TTLL8: variants seen among roughly 807,000 people sequenced by gnomAD.
TTLL8 encodes the protein protein monoglycylase TTLL8.
Under a neutral mutation model 77.8 loss-of-function variants are expected in TTLL8, and 65 were observed. The observed-to-expected ratio is 0.84, with a 90% CI of 0.68 to 1.03. TTLL8 has a LOEUF of 1.03. Ranked by LOEUF, TTLL8 falls within the 50% of genes least tolerant of loss-of-function variation. The pLI, the probability that TTLL8 is intolerant of heterozygous loss-of-function variation, is 0.00. For missense variants in TTLL8, 910 were observed against 1,004.5 expected (o/e 0.91, Z 1.27); for synonymous variants, 402 against 422.8 (o/e 0.95, Z 0.60).
intron 5 of TTLL8, 44 bp downstream of exon 7, chr22:50,045,812 T>A: frequency 7.7e-7 from 1 of 1,298,686 alleles, no homozygotes; most frequent in Non-Finnish European, 1.0e-6. Flanking sequence ...TCTAGAAGCC[T>A]CTCTGCTGAC....
In TTLL8 at chr22:50,049,241, G is replaced by A. The variant is rs1569233534; in HGVS notation, c.264+8C>T. On this transcript the variant is annotated splice_region_variant and intron_variant, in intron 3 of 13. Transcript: ENST00000266182. ...CGCAGCTGACCATGACGCATGCAGG[G>A]GACGTACCATCACGTCGTGGATGTT... 2 of 1,367,492 alleles carry A rather than the reference G, an allele frequency of 1.5e-6. No homozygotes were observed. Among genetic ancestry groups the A allele is most frequent in the Admixed American group, 3.8e-5 (2 of 52,568 alleles). 84.7% of individuals were successfully genotyped at this position (1,367,492 alleles called of 1,614,324 possible).
upstream of TTLL8, among the ~76,000 whole-genome samples, chr22:50,057,153 G>GGTCAGGTCTGGGGATGGAA (rs2061475393): frequency 1.0e-5 from 1 of 97,810 alleles, no homozygotes; most frequent in African/African-American, 5.5e-5. Context: ...TCTGAGTTGG[G>GGTCAGGTCTGGGGATGGAA]GTCAGGTCTG....
At chr22:50,019,101 T>G (rs181035123) in intron 12 of TTLL8, among the ~76,000 whole-genome samples, 10 of 152,350 alleles carry the variant, frequency 6.6e-5, no homozygotes, top group Admixed American at 5.2e-4. Context: ...AAAGTCGATA[T>G]ATTGCCAGGT....
At chr22:50,051,354 A>G (rs2061442843) in intron 1 of TTLL8, among the ~76,000 whole-genome samples, 1 of 152,352 alleles carries the variant, frequency 6.6e-6, no homozygotes, top group Non-Finnish European at 1.5e-5. Flanking sequence ...GGTTGCTGCA[A>G]AAGACATTAT....
chr22:50,026,849 T>C lies in TTLL8; in HGVS notation c.2203+3581A>G, dbSNP rs188992722. ...CATCTAATGAATGACATGCCAGACT[T>C]GCCAGACCTTCTATCCTGAAAACCA... On this transcript the variant is annotated intron_variant, in intron 12 of 13. Transcript: ENST00000266182. Among the ~76,000 whole-genome samples the C allele has an allele frequency of 3.9e-5, 6 of 152,304 alleles. No individual in the cohort carries two copies. The East Asian group carries it at 1.2e-3, about 29-fold the overall frequency.
chr22:50,020,095 C>A (rs2061185880), intron 12 of TTLL8, among the ~76,000 whole-genome samples: 1 of 152,190 alleles, frequency 6.6e-6, no homozygotes, highest in African/African-American at 2.4e-5. Context: ...GTCAACAACA[C>A]AATAAACAAA....
chr22:50,042,595 G>T (rs1223151997), intron 6 of TTLL8, among the ~76,000 whole-genome samples: 1 of 152,196 alleles, frequency 6.6e-6, no homozygotes, highest in Non-Finnish European at 1.5e-5. Context: ...TAGCAATTCT[G>T]TATCTACAAG....
chr22:50,031,812 G>T, exon 11 of TTLL8: 1 of 1,367,078 alleles, frequency 7.3e-7, no homozygotes, highest in Non-Finnish European at 9.8e-7. Flanking sequence ...TGGTGGGGCT[G>T]GAATTGATCT....
chr22:50,052,931 G>C (rs2061451501), intron 1 of TTLL8, among the ~76,000 whole-genome samples: 1 of 152,158 alleles, frequency 6.6e-6, no homozygotes, highest in African/African-American at 2.4e-5. Flanking sequence ...GCTATAAACA[G>C]CTCACTCTGG....
chr22:50,034,342 C>T lies in TTLL8; in HGVS notation c.1039+3G>A. ...ATGAACGCGGTGCAGGGAGCATCCG[C>T]ACCAGGGGACTCACCTCGGCCCCGG... On this transcript the variant is annotated splice_donor_region_variant and intron_variant, in intron 9 of 13. Transcript: ENST00000266182. The surrounding 1 kb of genome is among the most constrained non-coding windows in gnomAD (Gnocchi z 4.1). The T allele has an allele frequency of 7.3e-7, 1 of 1,364,620 alleles. No individual in the cohort carries two copies. The highest frequency in any genetic ancestry group is 1.1e-5 in the South Asian group (1 of 87,922). 84.5% of individuals were successfully genotyped at this position (1,364,620 alleles called of 1,614,324 possible).
intron 10 of TTLL8, among the ~76,000 whole-genome samples, 198 bp from the exon 12 acceptor site, chr22:50,032,307 A>G (rs965219218): frequency 6.6e-6 from 1 of 152,202 alleles, no homozygotes; most frequent in Non-Finnish European, 1.5e-5. Context: ...CAGAGAGGCC[A>G]TGGGATTGGC....
chr22:50,050,023 G>C (rs1440647048), intron 2 of TTLL8, 86 bp downstream of exon 4: 1 of 1,293,232 alleles, frequency 7.7e-7, no homozygotes, highest in Non-Finnish European at 1.0e-6. Context: ...CGAGGGGCAG[G>C]CACCACACTC....
exon 10 of TTLL8, chr22:50,033,439 A>G (rs762317507): frequency 1.9e-5 from 26 of 1,362,100 alleles, no homozygotes; most frequent in Non-Finnish European, 2.5e-5. Context: ...GTCCATGCAC[A>G]CTATGTCTGC....
At chr22:50,028,674 ACACAC>A (rs2061251142) in intron 12 of TTLL8, among the ~76,000 whole-genome samples, 1 of 58,280 alleles carries the variant, frequency 1.7e-5, no homozygotes, top group Non-Finnish European at 3.9e-5. Context: ...AGACCCCCAC[ACACAC>A]TCGTAAAGAC....
chr22:50,030,584 G>A, exon 12 of TTLL8: 1 of 1,302,266 alleles, frequency 7.7e-7, no homozygotes, highest in Admixed American at 2.3e-5. Flanking sequence ...TGTCCACGTG[G>A]CGACAGGGGC....
chr22:50,036,885 G>A (rs957726130), intron 8 of TTLL8, among the ~76,000 whole-genome samples: 14 of 151,948 alleles, frequency 9.2e-5, no homozygotes, highest in East Asian at 3.9e-4. Context: ...GGTGTGAGCC[G>A]CCGCGCCCAG....
intron 2 of TTLL8, 64 bp downstream of exon 4, chr22:50,050,045 G>A (rs1048157987): frequency 3.1e-5 from 41 of 1,334,046 alleles, no homozygotes; most frequent in African/African-American, 1.2e-4. Flanking sequence ...GGCCGGCGCC[G>A]ACTCCTCCTG....
intron 6 of TTLL8, among the ~76,000 whole-genome samples, chr22:50,042,794 A>G (rs1188056028): frequency 6.6e-6 from 1 of 152,136 alleles, no homozygotes; most frequent in Non-Finnish European, 1.5e-5. Context: ...ATGAGACACT[A>G]ATAAAGACCC....
upstream of TTLL8, among the ~76,000 whole-genome samples, chr22:50,057,422 G>A (rs970604327): frequency 1.0e-5 from 1 of 95,716 alleles, no homozygotes; most frequent in Non-Finnish European, 2.1e-5. Context: ...GGAGGTCTGG[G>A]TTGGGGGTCA....
Sources: gnomAD v4.1 joint callset for allele counts (sites outside exome capture counted in the v4.1 genomes callset) on GRCh38, gnomAD v4.1.1 for gene constraint, Gnocchi (gnomAD v3.1) non-coding constraint, MANE v1.5 for transcripts, NCBI Gene and HGNC (gene_info 2026-07-23, HGNC 2026-07-21) for gene names.